RALGAPA1: variants seen among roughly 807,000 people sequenced by gnomAD.
RALGAPA1 encodes Ral GTPase activating protein catalytic subunit alpha 1.
A neutral mutation model predicts 269.6 loss-of-function variants in RALGAPA1; 52 were observed. The ratio of observed to expected loss-of-function variants is 0.19; its 90% CI spans 0.15 to 0.24. The LOEUF is 0.24. Ranked by LOEUF, RALGAPA1 falls within the 10% of genes least tolerant of loss-of-function variation. The pLI, the probability that RALGAPA1 is intolerant of heterozygous loss-of-function variation, is 1.00. For missense variants in RALGAPA1, 1,917 were observed against 3,013.9 expected (o/e 0.64, Z 8.52); for synonymous variants, 817 against 1,008.3 (o/e 0.81, Z 3.60).
chr14:35,648,065 AG>A (rs1408768108), intron 31 of RALGAPA1, among the ~76,000 whole-genome samples: 2 of 151,938 alleles, frequency 1.3e-5, no homozygotes, highest in Non-Finnish European at 2.9e-5. Flanking sequence ...TCACCAGGTC[AG>A]GAGTTCACGA....
intron 12 of RALGAPA1, among the ~76,000 whole-genome samples, chr14:35,736,873 T>C (rs548812592): frequency 1.4e-4 from 21 of 152,030 alleles, no homozygotes; most frequent in African/African-American, 4.8e-4. Context: ...CCATCTCTAC[T>C]AAAAATACAA....
intron 22 of RALGAPA1, chr14:35,677,741 A>G (rs1037275173): frequency 5.8e-6 from 3 of 515,866 alleles, no homozygotes; most frequent in Non-Finnish European, 1.0e-5. Context: ...TGAGGACTCT[A>G]ATCAACTATA....
At chr14:35,659,513 G>A (rs1016819408) in intron 27 of RALGAPA1, among the ~76,000 whole-genome samples, 1 of 151,924 alleles carries the variant, frequency 6.6e-6, no homozygotes, top group Non-Finnish European at 1.5e-5. Context: ...GAACCAGATG[G>A]CTTCACCAGT....
intron 34 of RALGAPA1, 105 bp from the exon 35 acceptor site, chr14:35,625,537 G>T: frequency 1.4e-6 from 1 of 736,904 alleles, no homozygotes; most frequent in Non-Finnish European, 2.2e-6. Context: ...TACTTTTCTT[G>T]CCTTTTCATA....
intron 4 of RALGAPA1, among the ~76,000 whole-genome samples, chr14:35,768,798 C>T (rs980288831): frequency 1.3e-5 from 2 of 151,564 alleles, no homozygotes; most frequent in African/African-American, 2.4e-5. Flanking sequence ...CACCCGAGGT[C>T]GGGAGTTCAT....
intron 1 of RALGAPA1, among the ~76,000 whole-genome samples, chr14:35,798,992 C>CAAAAAAAAAA (rs60003824): frequency 1.2e-5 from 1 of 81,366 alleles, no homozygotes; most frequent in Non-Finnish European, 2.7e-5. Context: ...CTGTCTGTGT[C>CAAAAAAAAAA]AAAAAAAAAA....
intron 7 of RALGAPA1, among the ~76,000 whole-genome samples, chr14:35,755,470 A>C (rs1852761015): frequency 6.6e-6 from 1 of 152,228 alleles, no homozygotes. Context: ...AAATTCATTA[A>C]ACTGTAAATT....
At chr14:35,801,877 T>C (rs1177408952) in intron 1 of RALGAPA1, among the ~76,000 whole-genome samples, 1 of 152,140 alleles carries the variant, frequency 6.6e-6, no homozygotes, top group Non-Finnish European at 1.5e-5. Flanking sequence ...TTACTTCTAA[T>C]CTATGTCACA....
chr14:35,671,357 TG>T, intron 26 of RALGAPA1, 31 bp downstream of exon 26: 1 of 1,540,404 alleles, frequency 6.5e-7, no homozygotes, highest in South Asian at 1.3e-5. Flanking sequence ...GGCTAAAGTT[TG>T]TTATATGATA....
intron 9 of RALGAPA1, 136 bp downstream of exon 9, chr14:35,750,346 A>G: frequency 2.0e-6 from 1 of 492,414 alleles, no homozygotes; most frequent in Admixed American, 3.9e-5. Context: ...TAAAATTTGC[A>G]TTTACAAAAT....
In RALGAPA1 at chr14:35,647,077, C is replaced by T. The variant is rs1486410923; in HGVS notation, c.5676+4728G>A. On this transcript the variant is annotated intron_variant, in intron 31 of 41. Coordinates refer to ENST00000680220, the MANE Select transcript of RALGAPA1 (RefSeq NM_001346249.2). ...CAGTCTTGGCTCTGATATTTAGTAA[C>T]AATTTTGTGACCTTGGGCAACTTAA... Among the ~76,000 whole-genome samples the T allele has an allele frequency of 2.6e-5, 4 of 152,214 alleles. No homozygotes were observed. In the East Asian group the frequency reaches 7.7e-4, roughly 29 times the overall value.
At chr14:35,640,507 C>T (rs940221650) in intron 31 of RALGAPA1, among the ~76,000 whole-genome samples, 15 of 152,068 alleles carry the variant, frequency 9.9e-5, no homozygotes, top group African/African-American at 2.9e-4. Flanking sequence ...GGATAAACTC[C>T]TAGACACATA....
intron 12 of RALGAPA1, among the ~76,000 whole-genome samples, chr14:35,732,533 C>G (rs1003598226): frequency 1.3e-5 from 2 of 152,008 alleles, no homozygotes; most frequent in African/African-American, 4.8e-5. Context: ...CAGAAGGACT[C>G]GCATAAGTAA....
chr14:35,683,117 G>A (rs952374226), intron 21 of RALGAPA1, among the ~76,000 whole-genome samples: 7 of 152,238 alleles, frequency 4.6e-5, no homozygotes, highest in Admixed American at 2.0e-4. Context: ...AACTGTAGCC[G>A]GAACCACAGT....
At chr14:35,720,848 C>T (rs933699775) in intron 16 of RALGAPA1, among the ~76,000 whole-genome samples, 1 of 152,148 alleles carries the variant, frequency 6.6e-6, no homozygotes, top group East Asian at 1.9e-4. Flanking sequence ...GGTAGGATCA[C>T]TTTGAGCCCA....
At chr14:35,780,780 T>C (rs2075371093) in intron 1 of RALGAPA1, among the ~76,000 whole-genome samples, 2 of 152,124 alleles carry the variant, frequency 1.3e-5, no homozygotes, top group Admixed American at 6.5e-5. Flanking sequence ...AATCGAACCA[T>C]AATGTTCCAC....
Position 35,635,566 on chromosome 14 carries a change from G to C in RALGAPA1, c.5709C>G (p.Asp1903Glu), listed in dbSNP as rs750375629. The change falls in exon 32 of 42, where the codon GAC (aspartate) becomes GAG (glutamate). Residue 1903 changes from aspartate (D) to glutamate (E), a missense_variant. Transcript: ENST00000680220. ...LVVSLLLCLL[D>E]WIMALPLKTL... ...TCTTTAGAGGTAAGGCCATGATCCA[G>C]TCCAGAAGGCAGAGAAGTAAAGATA... 3.8e-6 allele frequency: 6 copies of C among 1,598,400 alleles called. No homozygotes were observed. Among genetic ancestry groups the C allele is most frequent in the Non-Finnish European group, 5.1e-6 (6 of 1,172,656 alleles).
chr14:35,640,294 T>G (rs748971407), intron 31 of RALGAPA1, among the ~76,000 whole-genome samples: 6 of 151,720 alleles, frequency 4.0e-5, no homozygotes, highest in Non-Finnish European at 7.4e-5. Context: ...AATGAAAAAT[T>G]GGCACATGAA....
chr14:35,560,557 G>T (rs547810316), intron 39 of RALGAPA1, among the ~76,000 whole-genome samples: 4 of 151,958 alleles, frequency 2.6e-5, no homozygotes, highest in South Asian at 4.2e-4. Context: ...ATCCTACTTG[G>T]TCTATATCAC....
Sources: gnomAD v4.1 joint callset for allele counts (sites outside exome capture counted in the v4.1 genomes callset) on GRCh38, gnomAD v4.1.1 for gene constraint, MANE v1.5 for transcripts, NCBI Gene and HGNC (gene_info 2026-07-23, HGNC 2026-07-21) for gene names.